CENPK: variants seen among roughly 807,000 people sequenced by gnomAD.
The protein encoded by CENPK is centromere protein K.
Under a neutral mutation model 40.9 loss-of-function variants are expected in CENPK, and 46 were observed. The observed-to-expected ratio is 1.13, with a 90% CI of 0.89 to 1.44. CENPK has a LOEUF of 1.44. Among genes scored for constraint, CENPK ranks in the 40% most tolerant of loss-of-function variants. The pLI, the probability that CENPK is intolerant of heterozygous loss-of-function variation, is 0.00. For synonymous variants in CENPK, 107 were observed against 104.4 expected, an observed-to-expected ratio of 1.02 and a Z score of -0.15; for missense variants, 288 against 303.5, an observed-to-expected ratio of 0.95 and a Z score of 0.38.
chr5:65,496,344 A>T, the CENPK span, among the ~76,000 whole-genome samples: 1 of 152,150 alleles, frequency 6.6e-6, no homozygotes, highest in Non-Finnish European at 1.5e-5. Context: ...TCACGGTGCT[A>T]TTTCTAAGAG....
At chr5:65,501,040 T>C in the CENPK span, among the ~76,000 whole-genome samples, 2 of 152,096 alleles carry the variant, frequency 1.3e-5, no homozygotes, top group Non-Finnish European at 1.5e-5. Flanking sequence ...ATTGAGCCCA[T>C]CACTGAATCT....
intron 2 of CENPK, 153 bp from the exon 3 acceptor site, chr5:65,555,099 T>A: frequency 2.1e-6 from 1 of 474,970 alleles, no homozygotes; most frequent in Non-Finnish European, 3.6e-6. Context: ...AAACAGACAA[T>A]AAAATAAAAA....
intron 10 of CENPK, among the ~76,000 whole-genome samples, chr5:65,519,185 A>G (rs1194430192): frequency 1.3e-5 from 2 of 152,160 alleles, no homozygotes; most frequent in Admixed American, 1.3e-4. Flanking sequence ...ATTAAATTAT[A>G]TAGGCTAGCA....
intron 10 of CENPK, among the ~76,000 whole-genome samples, chr5:65,519,808 G>A (rs981570171): frequency 3.9e-5 from 6 of 152,024 alleles, no homozygotes; most frequent in Non-Finnish European, 8.8e-5. Context: ...TCATAATATA[G>A]AATTAAATAT....
chr5:65,524,304 G>A (rs1253719950), intron 9 of CENPK, among the ~76,000 whole-genome samples: 1 of 151,090 alleles, frequency 6.6e-6, no homozygotes, highest in East Asian at 1.9e-4. Context: ...AGAATCGTGT[G>A]AACCCGGGAG....
intron 2 of CENPK, among the ~76,000 whole-genome samples, chr5:65,555,935 G>A (rs778888529): frequency 6.6e-6 from 1 of 152,134 alleles, no homozygotes; most frequent in African/African-American, 2.4e-5. Flanking sequence ...TTTTGAGCTA[G>A]CAATATGAAT....
chr5:65,556,321 A>T (rs1750972312), intron 2 of CENPK, among the ~76,000 whole-genome samples: 1 of 152,032 alleles, frequency 6.6e-6, no homozygotes, highest in South Asian at 2.1e-4. Flanking sequence ...AAAAAATTTT[A>T]AAAATTAGCT....
the CENPK span, among the ~76,000 whole-genome samples, chr5:65,497,012 A>G: frequency 0.65 from 98,196 of 151,846 alleles, 32,167 homozygotes; most frequent in African/African-American, 0.72. Context: ...AGCTAAGATC[A>G]CGCCACTGCA....
intron 6 of CENPK, among the ~76,000 whole-genome samples, chr5:65,538,108 C>T (rs752486668): frequency 1.2e-4 from 18 of 151,996 alleles, no homozygotes; most frequent in Admixed American, 2.6e-4. Context: ...CCATCCTAGA[C>T]GGTGTAAAGT....
the CENPK span, among the ~76,000 whole-genome samples, chr5:65,503,042 A>G: frequency 1.3e-5 from 2 of 151,118 alleles, no homozygotes; most frequent in African/African-American, 4.9e-5. Context: ...CAATTGATCC[A>G]TCTGTCTCAG....
the CENPK span, among the ~76,000 whole-genome samples, chr5:65,503,863 G>C: frequency 6.6e-6 from 1 of 151,490 alleles, no homozygotes; most frequent in East Asian, 2.0e-4. Context: ...TCACCATATT[G>C]GTCAGACTGG....
At chr5:65,528,666 CTT>C (rs1466209483) in intron 8 of CENPK, 88 bp from the exon 9 acceptor site, 45 of 1,368,266 alleles carry the variant, frequency 3.3e-5, no homozygotes, top group African/African-American at 7.5e-5. Context: ...TGATCAAAAA[CTT>C]TGTTAAAACT....
At chr5:65,558,742 C>T (rs991932197) in intron 2 of CENPK, among the ~76,000 whole-genome samples, 1 of 151,972 alleles carries the variant, frequency 6.6e-6, no homozygotes, top group African/African-American at 2.4e-5. Flanking sequence ...CAGGTACAGA[C>T]AGGGACAAAG....
intron 10 of CENPK, 107 bp from the exon 11 acceptor site, chr5:65,518,740 T>G: frequency 1.6e-6 from 1 of 644,786 alleles, no homozygotes; most frequent in Admixed American, 3.4e-5. Context: ...TTTCAACAAC[T>G]GTTTAATACT....
intron 6 of CENPK, among the ~76,000 whole-genome samples, chr5:65,540,625 A>G (rs1258981568): frequency 1.3e-5 from 2 of 152,118 alleles, no homozygotes; most frequent in African/African-American, 4.8e-5. Context: ...GACTTAATCA[A>G]TCGTACCTAC....
chr5:65,531,845 C>A (rs1745904933), intron 6 of CENPK, among the ~76,000 whole-genome samples: 2 of 152,038 alleles, frequency 1.3e-5, no homozygotes, highest in Non-Finnish European at 2.9e-5. Context: ...AAATTAATAA[C>A]CTCAGCTTCT....
chr5:65,541,128 T>C (rs1188831443), intron 6 of CENPK, among the ~76,000 whole-genome samples: 1 of 152,136 alleles, frequency 6.6e-6, no homozygotes, highest in African/African-American at 2.4e-5. Flanking sequence ...CAGCCATGTA[T>C]CCTTTGTAAT....
At chr5:65,545,005 A>C (rs1748639557) in intron 5 of CENPK, among the ~76,000 whole-genome samples, 1 of 152,194 alleles carries the variant, frequency 6.6e-6, no homozygotes, top group African/African-American at 2.4e-5. Flanking sequence ...AAAAATGGTT[A>C]AAATTGTAAA....
At chr5:65,543,025 C>T (rs534381930) in intron 5 of CENPK, among the ~76,000 whole-genome samples, 177 bp from the exon 6 acceptor site, 2 of 152,116 alleles carry the variant, frequency 1.3e-5, no homozygotes, top group South Asian at 2.1e-4. Context: ...AGTGCAATGG[C>T]GCTATTTGGC....
Sources: gnomAD v4.1 joint callset for allele counts (sites outside exome capture counted in the v4.1 genomes callset) on GRCh38, gnomAD v4.1.1 for gene constraint, MANE v1.5 for transcripts, NCBI Gene and HGNC (gene_info 2026-07-23, HGNC 2026-07-21) for gene names.